TMEM117: variants seen among roughly 807,000 people sequenced by gnomAD.
The protein encoded by TMEM117 is transmembrane protein 117.
Under a neutral mutation model 52.4 loss-of-function variants are expected in TMEM117, and 27 were observed. The ratio of observed to expected loss-of-function variants is 0.51; its 90% CI spans 0.38 to 0.71. TMEM117 has a LOEUF of 0.71. Ranked by LOEUF, TMEM117 falls within the 30% of genes least tolerant of loss-of-function variation. The probability of loss-of-function intolerance (pLI) is 0.00; values close to 1 mark genes in which losing one functional copy is unlikely to be tolerated. For missense variants in TMEM117, 556 were observed against 630.5 expected, an observed-to-expected ratio of 0.88 and a Z score of 1.26; for synonymous variants, 215 against 206.3, an observed-to-expected ratio of 1.04 and a Z score of -0.36.
intron 7 of TMEM117, among the ~76,000 whole-genome samples, chr12:44,380,189 A>G (rs568083554): frequency 1.3e-5 from 2 of 152,306 alleles, no homozygotes; most frequent in Admixed American, 1.3e-4. Flanking sequence ...TGCAAATTCA[A>G]TAGCAGTGGG....
chr12:44,133,749 A>G (rs753149218), intron 3 of TMEM117, among the ~76,000 whole-genome samples: 1 of 152,144 alleles, frequency 6.6e-6, no homozygotes, highest in Non-Finnish European at 1.5e-5. Flanking sequence ...TCTTCGTGGA[A>G]GGTCCAAGTT....
At chr12:44,056,897 C>T (rs1947064371) in intron 3 of TMEM117, among the ~76,000 whole-genome samples, 1 of 152,102 alleles carries the variant, frequency 6.6e-6, no homozygotes, top group Admixed American at 6.6e-5. Context: ...ACAGAGAGGC[C>T]TTTTATTCAG....
chr12:44,151,397 T>C (rs1366899028), intron 4 of TMEM117, among the ~76,000 whole-genome samples: 1 of 151,712 alleles, frequency 6.6e-6, no homozygotes, highest in Admixed American at 6.6e-5. Context: ...TTAGGATACA[T>C]GTGCACAACG....
intron 2 of TMEM117, among the ~76,000 whole-genome samples, chr12:43,933,706 G>A (rs1944908051): frequency 6.6e-6 from 1 of 151,868 alleles, no homozygotes; most frequent in Non-Finnish European, 1.5e-5. Context: ...GGGAGTACAG[G>A]CGCGTGCCAC....
Position 44,388,677 on chromosome 12 carries a change from G to A in TMEM117, c.*5G>A, listed in dbSNP as rs371152093. 106 of 1,610,742 alleles carry A rather than the reference G, an allele frequency of 6.6e-5. No homozygotes were observed. The highest frequency in any genetic ancestry group is 4.5e-4 in the South Asian group (41 of 90,822). On this transcript the variant is annotated 3_prime_UTR_variant, in exon 8 of 8. Coordinates refer to ENST00000266534, the MANE Select transcript of TMEM117 (RefSeq NM_032256.3). ...AAAAGTACACCTACGAACTAGACTCGGAGATAGACTTGGAGATAACACAAA... is the reference window on the plus strand; with the variant it reads ...AAAAGTACACCTACGAACTAGACTCAGAGATAGACTTGGAGATAACACAAA...
chr12:44,320,890 G>C (rs559798519), intron 6 of TMEM117, among the ~76,000 whole-genome samples: 1 of 152,302 alleles, frequency 6.6e-6, no homozygotes, highest in East Asian at 1.9e-4. Context: ...GTCAGACACA[G>C]AGAATATTCA....
chr12:44,199,977 G>T (rs956417573), intron 4 of TMEM117, among the ~76,000 whole-genome samples: 4 of 152,102 alleles, frequency 2.6e-5, no homozygotes, highest in African/African-American at 9.7e-5. Context: ...AATCAGCGGG[G>T]TGTGGTGGCA....
intron 2 of TMEM117, among the ~76,000 whole-genome samples, chr12:43,847,466 G>C (rs776593675): frequency 2.0e-5 from 3 of 152,206 alleles, no homozygotes; most frequent in Non-Finnish European, 2.9e-5. Flanking sequence ...GGAGGGGCTT[G>C]ATGATGCAAT....
At chr12:44,045,328 C>G (rs1428797770) in intron 3 of TMEM117, among the ~76,000 whole-genome samples, 1 of 152,210 alleles carries the variant, frequency 6.6e-6, no homozygotes, top group Non-Finnish European at 1.5e-5. Context: ...TCGGGGTGAT[C>G]AGCCAGCTAG....
At chr12:44,379,126 TAGAA>T (rs1315765463) in intron 7 of TMEM117, among the ~76,000 whole-genome samples, 12 of 124,560 alleles carry the variant, frequency 9.6e-5, no homozygotes, top group East Asian at 2.2e-4. Context: ...TAAAAAAAAA[TAGAA>T]AGAAAGGAAG....
chr12:44,147,041 C>T (rs1948652779), intron 4 of TMEM117, among the ~76,000 whole-genome samples: 1 of 152,136 alleles, frequency 6.6e-6, no homozygotes, highest in African/African-American at 2.4e-5. Flanking sequence ...CTTTTCCTGG[C>T]TCTGTGGTAC....
At chr12:43,986,901 A>T (rs1408637182) in intron 3 of TMEM117, among the ~76,000 whole-genome samples, 2 of 151,998 alleles carry the variant, frequency 1.3e-5, no homozygotes, top group Non-Finnish European at 2.9e-5. Flanking sequence ...TTAAGGCTAT[A>T]TTTTTTTATT....
At chr12:44,142,632 TTATG>T (rs780669697) in intron 3 of TMEM117, among the ~76,000 whole-genome samples, 2 of 152,104 alleles carry the variant, frequency 1.3e-5, no homozygotes, top group Non-Finnish European at 2.9e-5. Context: ...ACAGGTATTA[TTATG>T]TATAAGAAAA....
chr12:44,323,254 A>T (rs1334979019), intron 6 of TMEM117, among the ~76,000 whole-genome samples: 4 of 152,210 alleles, frequency 2.6e-5, no homozygotes, highest in African/African-American at 9.7e-5. Context: ...CTTTAAAATA[A>T]TAAAGTTCTG....
chr12:44,338,117 C>A (rs1951366420), intron 6 of TMEM117, among the ~76,000 whole-genome samples: 1 of 152,042 alleles, frequency 6.6e-6, no homozygotes, highest in South Asian at 2.1e-4. Context: ...TTTTTAAAAA[C>A]AGACCTTGAC....
intron 6 of TMEM117, among the ~76,000 whole-genome samples, chr12:44,320,458 C>T (rs1213695915): frequency 6.6e-6 from 1 of 152,188 alleles, no homozygotes; most frequent in African/African-American, 2.4e-5. Context: ...GTCATCTATA[C>T]AAGGCCTTTT....
At chr12:44,321,868 C>T (rs190625050) in intron 6 of TMEM117, among the ~76,000 whole-genome samples, 2 of 152,102 alleles carry the variant, frequency 1.3e-5, no homozygotes, top group Admixed American at 6.6e-5. Context: ...AGCTTAGTGG[C>T]AAATGTATCT....
the TMEM117 span, among the ~76,000 whole-genome samples, chr12:44,396,376 G>A: frequency 2.0e-5 from 3 of 151,766 alleles, no homozygotes; most frequent in Non-Finnish European, 4.4e-5. Context: ...ATCTATTATA[G>A]TATCTTTAGC....
chr12:44,061,465 G>A (rs913955722), intron 3 of TMEM117, among the ~76,000 whole-genome samples: 1 of 152,112 alleles, frequency 6.6e-6, no homozygotes, highest in Non-Finnish European at 1.5e-5. Flanking sequence ...TCTGCAGTGG[G>A]AGGATTGTGA....
Sources: allele counts gnomAD v4.1 joint callset (sites outside exome capture counted in the v4.1 genomes callset), GRCh38; gene constraint gnomAD v4.1.1; transcripts MANE v1.5; gene names NCBI Gene and HGNC (gene_info 2026-07-23, HGNC 2026-07-21).